Variants in CHLSN observed in about 807,000 individuals in gnomAD.
CHLSN encodes protein cholesin.
At chr7:1,103,252 A>G in the CHLSN span, among the ~76,000 whole-genome samples, 1 of 152,220 alleles carries the variant, frequency 6.6e-6, no homozygotes, top group East Asian at 1.9e-4. Flanking sequence ...ACAAGTGTGC[A>G]TGCTGGGCAA....
chr7:986,614 T>TCCTGCCC, the CHLSN span: 3 of 1,612,458 alleles, frequency 1.9e-6, no homozygotes, highest in South Asian at 3.3e-5. Flanking sequence ...TCCTCCTGCC[T>TCCTGCCC]CCTGCCCAGC....
At chr7:1,072,830 T>C in the CHLSN span, among the ~76,000 whole-genome samples, 1 of 152,020 alleles carries the variant, frequency 6.6e-6, no homozygotes, top group African/African-American at 2.4e-5. Context: ...ATTACAGGCG[T>C]GCGCCACCAC....
the CHLSN span, among the ~76,000 whole-genome samples, chr7:1,063,994 CA>C: frequency 6.6e-6 from 1 of 152,156 alleles, no homozygotes; most frequent in Non-Finnish European, 1.5e-5. Context: ...AGGTGGGGGG[CA>C]GGGGGACTAG....
the CHLSN span, among the ~76,000 whole-genome samples, chr7:1,007,642 G>A: frequency 2.6e-5 from 4 of 152,132 alleles, no homozygotes; most frequent in Non-Finnish European, 5.9e-5. Context: ...TGGATCCCAG[G>A]CCTTGGAAGA....
chr7:1,125,488 G>A, the CHLSN span, among the ~76,000 whole-genome samples: 4 of 152,298 alleles, frequency 2.6e-5, no homozygotes, highest in South Asian at 4.1e-4. Context: ...AGCCAGCACC[G>A]GGCCCCTGCA....
At chr7:997,321 G>A in the CHLSN span, 3 of 343,028 alleles carry the variant, frequency 8.7e-6, no homozygotes, top group Non-Finnish European at 1.6e-5. Flanking sequence ...GATTCCTGGG[G>A]CTGGAGGGTC....
the CHLSN span, among the ~76,000 whole-genome samples, chr7:1,084,086 C>A: frequency 6.6e-6 from 1 of 152,234 alleles, no homozygotes; most frequent in African/African-American, 2.4e-5. Flanking sequence ...CAGGATATGG[C>A]ACGGAATGCA....
chr7:1,009,001 GCACACA>G, the CHLSN span, among the ~76,000 whole-genome samples: 28 of 149,396 alleles, frequency 1.9e-4, no homozygotes, highest in African/African-American at 4.4e-4. Context: ...ACACATACAC[GCACACA>G]CACACACATA....
the CHLSN span, chr7:1,028,895 TCCATGTCCCC>T: frequency 4.5e-6 from 3 of 672,448 alleles, no homozygotes; most frequent in Non-Finnish European, 5.2e-6. Flanking sequence ...CCAGTCTGAC[TCCATGTCCCC>T]CCATCTCCCC....
chr7:1,075,605 T>A, the CHLSN span, among the ~76,000 whole-genome samples: 1 of 126,044 alleles, frequency 7.9e-6, no homozygotes. Context: ...ACAAATCGGG[T>A]CACTTTTTTT....
the CHLSN span, among the ~76,000 whole-genome samples, chr7:1,079,809 A>C: frequency 6.6e-6 from 1 of 152,224 alleles, no homozygotes; most frequent in Admixed American, 6.5e-5. Flanking sequence ...GCTCTGGGGA[A>C]GCAGCCCTGG....
chr7:1,136,473 AATAT>A, the CHLSN span, among the ~76,000 whole-genome samples: 8 of 109,696 alleles, frequency 7.3e-5, no homozygotes, highest in South Asian at 1.5e-3. Flanking sequence ...AACATATATA[AATAT>A]ATAAACATAT....
the CHLSN span, among the ~76,000 whole-genome samples, chr7:1,033,559 C>CAA: frequency 3.4e-4 from 45 of 133,292 alleles, no homozygotes; most frequent in African/African-American, 1.1e-3. Flanking sequence ...AACTCCGTCT[C>CAA]AAAAAAAAAA....
At chr7:1,003,340 T>C in the CHLSN span, among the ~76,000 whole-genome samples, 4 of 34,672 alleles carry the variant, frequency 1.2e-4, no homozygotes, top group Admixed American at 3.0e-4. Flanking sequence ...TGGAGTCCTG[T>C]GGGTGGGGAG....
chr7:1,115,540 C>A, the CHLSN span, among the ~76,000 whole-genome samples: 1 of 140,986 alleles, frequency 7.1e-6, no homozygotes, highest in South Asian at 2.4e-4. Flanking sequence ...TGCAGGATGA[C>A]ATCACTACAG....
the CHLSN span, among the ~76,000 whole-genome samples, chr7:1,041,402 T>C: frequency 1.7e-4 from 18 of 106,302 alleles, no homozygotes; most frequent in Non-Finnish European, 2.8e-4. Context: ...GGGTCCGCGC[T>C]GCGGGGAACG....
the CHLSN span, among the ~76,000 whole-genome samples, chr7:1,034,171 G>A: frequency 2.0e-5 from 3 of 152,192 alleles, no homozygotes; most frequent in Admixed American, 2.0e-4. Flanking sequence ...CACCACCTAC[G>A]ACTGCTCAGC....
the CHLSN span, among the ~76,000 whole-genome samples, chr7:1,044,321 G>C: frequency 1.1e-4 from 17 of 152,262 alleles, no homozygotes; most frequent in African/African-American, 4.1e-4. Context: ...AGCCCTGGGT[G>C]TGTGTCCTCC....
At chr7:1,062,038 C>T in the CHLSN span, among the ~76,000 whole-genome samples, 1 of 152,240 alleles carries the variant, frequency 6.6e-6, no homozygotes, top group Non-Finnish European at 1.5e-5. Context: ...TTGTGAGACA[C>T]CAGGATGCGA....
Sources: gnomAD v4.1 joint callset for allele counts (sites outside exome capture counted in the v4.1 genomes callset) on GRCh38, gnomAD v4.1.1 for gene constraint, MANE v1.5 for transcripts, NCBI Gene and HGNC (gene_info 2026-07-23, HGNC 2026-07-21) for gene names.